The following FSD2 variants were observed in gnomAD, a reference collection of about 807,000 sequenced individuals.
The protein encoded by FSD2 is fibronectin type III and SPRY domain containing 2.
FSD2 carries 71 observed loss-of-function variants against 80.4 expected under a neutral mutation model. The ratio of observed to expected loss-of-function variants is 0.88; its 90% CI spans 0.73 to 1.08. The LOEUF is 1.08. FSD2 is among the 50% of genes least tolerant of loss of function. The pLI is 0.00. For synonymous variants in FSD2, 361 were observed against 329.5 expected, an observed-to-expected ratio of 1.10 and a Z score of -1.03; for missense variants, 923 against 913.8, an observed-to-expected ratio of 1.01 and a Z score of -0.13.
intron 1 of FSD2, among the ~76,000 whole-genome samples, chr15:82,788,602 C>T (rs988186090): frequency 2.6e-5 from 4 of 151,978 alleles, no homozygotes; most frequent in East Asian, 3.9e-4. Context: ...AAGTGATACC[C>T]GCAGCTGGAT....
At position 82,786,867 on chromosome 15, in the gene FSD2, GCTT is replaced by G. The variant is rs778690406; in HGVS notation, c.521_523del (p.Glu174del). 3,468 of 1,613,996 alleles carry G rather than the reference GCTT, an allele frequency of 2.1e-3. 5 individuals are homozygous for G. The highest frequency in any genetic ancestry group is 2.7e-3 in the Non-Finnish European group (3,135 of 1,179,880). On this transcript the variant is annotated inframe_deletion, in exon 2 of 13. Transcript: ENST00000334574. ...ACAAGTGACACAGAAGACATCAGCA[GCTT>G]CTTCTTCATCCTCTTCCTCGGGGAT... is the stretch of plus-strand genomic sequence containing the variant.
At chr15:82,797,786 G>C (rs1296404344) in intron 1 of FSD2, among the ~76,000 whole-genome samples, 1 of 152,060 alleles carries the variant, frequency 6.6e-6, no homozygotes, top group East Asian at 1.9e-4. Flanking sequence ...CTCCAGCCTG[G>C]GCGACAGAGC....
At chr15:82,800,604 A>G (rs1399342939) in intron 1 of FSD2, among the ~76,000 whole-genome samples, 1 of 146,784 alleles carries the variant, frequency 6.8e-6, no homozygotes, top group Admixed American at 7.1e-5. Flanking sequence ...AGGCATGAGA[A>G]TCGCTTGAAC....
intron 1 of FSD2, among the ~76,000 whole-genome samples, chr15:82,801,942 A>G (rs1026494069): frequency 6.6e-6 from 1 of 152,226 alleles, no homozygotes; most frequent in Non-Finnish European, 1.5e-5. Flanking sequence ...GTAGGTTTCC[A>G]GAGGCAGCAT....
intron 6 of FSD2, among the ~76,000 whole-genome samples, chr15:82,773,736 A>G (rs900771698): frequency 6.6e-6 from 1 of 152,184 alleles, no homozygotes; most frequent in African/African-American, 2.4e-5. Context: ...GCATTACAGT[A>G]TGGTTTACAA....
intron 7 of FSD2, among the ~76,000 whole-genome samples, chr15:82,770,561 C>T (rs2049542094): frequency 2.0e-5 from 3 of 152,112 alleles, no homozygotes; most frequent in Admixed American, 1.3e-4. Context: ...GTCCCAGCTA[C>T]TCGGGAGGCC....
chr15:82,777,962 T>C (rs183840470), intron 6 of FSD2, among the ~76,000 whole-genome samples: 6 of 150,796 alleles, frequency 4.0e-5, no homozygotes, highest in Non-Finnish European at 4.4e-5. Flanking sequence ...GAAAACAGTA[T>C]AGTGGTTCCA....
Position 82,766,004 on chromosome 15 carries a change from C to T in FSD2, c.1581G>A (p.Glu527=). ...TESVVGIPTC[E]SVVQLQPGRS... ...GCCCCGGCTGCAGCTGCACCACGGA[C>T]TCGCAGGTCGGGATGCCCACAACAG... is the stretch of plus-strand genomic sequence containing the variant. The change falls in exon 10 of 13, where the codon GAG becomes GAA. Residue 527 remains glutamate, a synonymous_variant. Transcript: ENST00000334574. 1.9e-6 allele frequency: 3 copies of T among 1,591,532 alleles called. No individual in the cohort carries two copies. Among genetic ancestry groups the T allele is most frequent in the Non-Finnish European group, 2.6e-6 (3 of 1,170,168 alleles).
chr15:82,771,642 C>G (rs2049575178), intron 7 of FSD2, among the ~76,000 whole-genome samples: 1 of 152,234 alleles, frequency 6.6e-6, no homozygotes, highest in South Asian at 2.1e-4. Context: ...CCCCCTCACC[C>G]CTCATGGGGT....
chr15:82,802,020 T>C (rs986778949), intron 1 of FSD2, among the ~76,000 whole-genome samples: 3 of 152,280 alleles, frequency 2.0e-5, no homozygotes, highest in Non-Finnish European at 4.4e-5. Flanking sequence ...TTTGCCTTCA[T>C]ATGATTTATG....
chr15:82,797,909 A>G (rs758151545), intron 1 of FSD2, among the ~76,000 whole-genome samples: 1 of 152,222 alleles, frequency 6.6e-6, no homozygotes, highest in African/African-American at 2.4e-5. Flanking sequence ...AACTTCATCC[A>G]AAAGAAAAAA....
rs957237910 is a variant in FSD2 at position 82,780,355 on chromosome 15, A to C, written c.967-88T>G. The C allele has an allele frequency of 6.2e-6, 6 of 960,526 alleles. No homozygotes were observed. In the African/African-American group the frequency reaches 8.5e-5, roughly 14 times the overall value. 59.5% of individuals were successfully genotyped at this position (960,526 alleles called of 1,614,324 possible). A position where few individuals can be genotyped will look rare whatever the true frequency, so the allele number is the denominator to read the frequency against. On this transcript the variant is annotated intron_variant, in intron 4 of 12. Transcript: ENST00000334574. ...TTTCTTTCTTTTTTTTTTTTTCTTA[A>C]ATGGAGTCTCACTCTGTCCCCCAGG...
At chr15:82,765,342 G>A (rs1409138606) in intron 10 of FSD2, 44 bp from the exon 11 acceptor site, 2 of 1,611,720 alleles carry the variant, frequency 1.2e-6, no homozygotes, top group Non-Finnish European at 1.7e-6. Flanking sequence ...CCAATCACTT[G>A]CTTTCTCCAT....
chr15:82,783,562 G>A (rs562286902), intron 3 of FSD2, among the ~76,000 whole-genome samples: 1 of 152,312 alleles, frequency 6.6e-6, no homozygotes, highest in Non-Finnish European at 1.5e-5. Context: ...CAAAAGCACT[G>A]CTTTCTCTCC....
intron 8 of FSD2, 29 bp downstream of exon 8, chr15:82,769,721 C>T: frequency 6.3e-7 from 1 of 1,585,426 alleles, no homozygotes; most frequent in Non-Finnish European, 8.6e-7. Flanking sequence ...GAATGAAAGC[C>T]CTGCTATAGG....
chr15:82,771,156 C>T (rs2151497128), intron 7 of FSD2, among the ~76,000 whole-genome samples: 2 of 152,338 alleles, frequency 1.3e-5, no homozygotes, highest in East Asian at 3.9e-4. Context: ...ACTCAGCCCT[C>T]CACCTGCATG....
chr15:82,775,871 T>G (rs2049703907), intron 6 of FSD2, among the ~76,000 whole-genome samples: 1 of 152,242 alleles, frequency 6.6e-6, no homozygotes. Flanking sequence ...TAAAATTCCC[T>G]TTTGATTTCT....
chr15:82,782,807 CACCTTCTCCTCGTG>C lies in FSD2; in HGVS notation c.940_953del (p.His314GlyfsTer11). ...TTTCATTACTGACCTTTATGAAATC[CACCTTCTCCTCGTG>C]ACACATCTCCTCTATTGTTTCCATC... On this transcript the variant is annotated frameshift_variant, in exon 4 of 13. Coordinates refer to ENST00000334574, the MANE Select transcript of FSD2 (RefSeq NM_001007122.4). LOFTEE classifies it high-confidence loss of function. The C allele has an allele frequency of 6.2e-7, 1 of 1,605,728 alleles. No individual in the cohort carries two copies. The highest frequency in any genetic ancestry group is 8.5e-7 in the Non-Finnish European group (1 of 1,177,244).
chr15:82,778,744 A>G, intron 6 of FSD2, 22 bp downstream of exon 6: 1 of 1,591,714 alleles, frequency 6.3e-7, no homozygotes, highest in Non-Finnish European at 8.6e-7. Flanking sequence ...ACCTGCCGCG[A>G]AGTACACACA....
Sources: gnomAD v4.1 joint callset for allele counts (sites outside exome capture counted in the v4.1 genomes callset) on GRCh38, gnomAD v4.1.1 for gene constraint, MANE v1.5 for transcripts, NCBI Gene and HGNC (gene_info 2026-07-23, HGNC 2026-07-21) for gene names.